Variants in RBFOX1 observed in about 807,000 individuals in gnomAD.
RBFOX1 encodes RNA binding fox-1 homolog 1.
In RBFOX1, 8 loss-of-function variants were observed where a neutral mutation model predicts 57.7. The observed-to-expected ratio is 0.14, with a 90% CI of 0.08 to 0.25. The LOEUF is 0.25. Among genes scored for constraint, RBFOX1 ranks in the 10% least tolerant of loss-of-function variants. The pLI, the probability that RBFOX1 is intolerant of heterozygous loss-of-function variation, is 1.00. For missense variants in RBFOX1, 611 were observed against 548.5 expected, an observed-to-expected ratio of 1.11 and a Z score of -1.14; for synonymous variants, 326 against 222.4, an observed-to-expected ratio of 1.47 and a Z score of -4.15.
intron 2 of RBFOX1, among the ~76,000 whole-genome samples, chr16:6,516,246 C>G (rs1019998877): frequency 6.6e-5 from 10 of 152,164 alleles, no homozygotes; most frequent in Admixed American, 3.3e-4. Context: ...CCAGGCTAGT[C>G]TCGAACTCCT....
Position 7,670,656 on chromosome 16 carries a change from T to C in RBFOX1, c.930+5688T>C, listed in dbSNP as rs180901038. Among the ~76,000 whole-genome samples, 170 of 152,260 alleles carry C rather than the reference T, an allele frequency of 1.1e-3. 1 individual carries two copies. The highest frequency in any genetic ancestry group is 3.9e-3 in the African/African-American group (163 of 41,558). On this transcript the variant is annotated intron_variant, in intron 13 of 15. Transcript: ENST00000550418. ...GTTATCAGGCATCGCTCCGTAAGCT[T>C]AGACTTTTAACATAAGGAAGCAAAT...
At chr16:6,655,172 G>C (rs1001380090) in intron 3 of RBFOX1, among the ~76,000 whole-genome samples, 1 of 151,502 alleles carries the variant, frequency 6.6e-6, no homozygotes, top group African/African-American at 2.4e-5. Context: ...TCAGGAGTTA[G>C]AGACCAACCT....
At chr16:7,457,412 G>A (rs2058738544) in intron 4 of RBFOX1, among the ~76,000 whole-genome samples, 1 of 152,072 alleles carries the variant, frequency 6.6e-6, no homozygotes, top group Admixed American at 6.5e-5. Context: ...TATTTTTATG[G>A]CATTAGTGTT....
intron 1 of RBFOX1, among the ~76,000 whole-genome samples, chr16:6,099,125 G>A (rs1044929008): frequency 4.6e-5 from 7 of 152,158 alleles, no homozygotes; most frequent in South Asian, 4.1e-4. Context: ...AAAATAGGTC[G>A]AACCCGATTT....
At chr16:6,978,832 C>T (rs915999884) in intron 3 of RBFOX1, among the ~76,000 whole-genome samples, 3 of 152,280 alleles carry the variant, frequency 2.0e-5, no homozygotes, top group Admixed American at 2.0e-4. Flanking sequence ...TAACAAATGC[C>T]TTCAATCCCC....
At chr16:6,395,532 CTTTTAT>C (rs2092792034) in intron 2 of RBFOX1, among the ~76,000 whole-genome samples, 1 of 150,752 alleles carries the variant, frequency 6.6e-6, no homozygotes, top group South Asian at 2.1e-4. Flanking sequence ...TTTTTTTTTA[CTTTTAT>C]AATTAGCTCT....
chr16:5,970,363 T>C (rs2059938207), intron 4 of RBFOX1, among the ~76,000 whole-genome samples: 1 of 152,140 alleles, frequency 6.6e-6, no homozygotes, highest in Non-Finnish European at 1.5e-5. Flanking sequence ...CACGTGTTTC[T>C]GGTGGGGATT....
intron 3 of RBFOX1, among the ~76,000 whole-genome samples, chr16:6,741,276 T>G (rs1284865500): frequency 1.3e-5 from 2 of 152,108 alleles, no homozygotes; most frequent in South Asian, 2.1e-4. Context: ...TATAAAACTT[T>G]CAGGCAATCC....
At chr16:7,381,063 G>C (rs1440961104) in intron 4 of RBFOX1, among the ~76,000 whole-genome samples, 3 of 152,218 alleles carry the variant, frequency 2.0e-5, no homozygotes, top group Non-Finnish European at 4.4e-5. Flanking sequence ...TTAGGTCATA[G>C]TTTGTGAATA....
At chr16:5,438,239 C>T (rs77803246) in intron 1 of RBFOX1, among the ~76,000 whole-genome samples, 2 of 152,168 alleles carry the variant, frequency 1.3e-5, no homozygotes, top group Admixed American at 1.3e-4. Flanking sequence ...TGTGATCACC[C>T]TCACTCCCAT....
chr16:6,671,437 C>T (rs781326752), intron 3 of RBFOX1, among the ~76,000 whole-genome samples: 18 of 152,266 alleles, frequency 1.2e-4, no homozygotes, highest in Admixed American at 3.3e-4. Flanking sequence ...ATTCAAACAT[C>T]ATTTTATTAA....
chr16:6,177,594 G>A (rs986645369), intron 1 of RBFOX1, among the ~76,000 whole-genome samples: 1 of 152,034 alleles, frequency 6.6e-6, no homozygotes, highest in African/African-American at 2.4e-5. Flanking sequence ...TATGAAAAAC[G>A]GAAAACAAGA....
At chr16:7,379,623 G>A (rs189180959) in intron 4 of RBFOX1, among the ~76,000 whole-genome samples, 6 of 152,274 alleles carry the variant, frequency 3.9e-5, no homozygotes, top group Admixed American at 1.3e-4. Context: ...CTGTTGTAGA[G>A]GTGAGGCAGA....
chr16:7,233,689 G>A (rs879675139), intron 4 of RBFOX1, among the ~76,000 whole-genome samples: 1 of 152,148 alleles, frequency 6.6e-6, no homozygotes, highest in South Asian at 2.1e-4. Context: ...AAAAGATGGG[G>A]GCCCCATGAA....
chr16:5,720,993 T>G (rs985567094), intron 3 of RBFOX1, among the ~76,000 whole-genome samples: 4 of 152,192 alleles, frequency 2.6e-5, no homozygotes, highest in Admixed American at 2.0e-4. Flanking sequence ...TGGTAGGGAT[T>G]GTGTTAAATC....
chr16:5,596,196 G>A (rs959311364), intron 2 of RBFOX1, among the ~76,000 whole-genome samples: 2 of 152,138 alleles, frequency 1.3e-5, no homozygotes, highest in Non-Finnish European at 2.9e-5. Flanking sequence ...ATTTCATCTG[G>A]TAGCTAGGTT....
At chr16:5,627,922 A>G (rs968690511) in intron 3 of RBFOX1, among the ~76,000 whole-genome samples, 5 of 152,210 alleles carry the variant, frequency 3.3e-5, no homozygotes, top group African/African-American at 1.2e-4. Flanking sequence ...ATGGATATGG[A>G]GAAATGATTG....
In RBFOX1 at chr16:6,247,529, A is replaced by G. The variant is rs979108316; in HGVS notation, c.-126-69466A>G. ...ATTAAGATAGTGGTAGTAACAGCCA[A>G]TATGCATGTTGAATGCTTAGTCTGT... On this transcript the variant is annotated intron_variant, in intron 1 of 15. Coordinates refer to ENST00000550418, the MANE Select transcript of RBFOX1 (RefSeq NM_018723.4). 7.2e-5 allele frequency among the ~76,000 whole-genome samples: 11 copies of G among 152,342 alleles called. No homozygotes were observed. The East Asian group carries it at 7.7e-4, about 11-fold the overall frequency.
At chr16:6,330,085 G>A (rs2082831262) in intron 2 of RBFOX1, among the ~76,000 whole-genome samples, 1 of 152,094 alleles carries the variant, frequency 6.6e-6, no homozygotes, top group South Asian at 2.1e-4. Context: ...TGAAGAACAT[G>A]AGCACACTGT....
Sources: gnomAD v4.1 joint callset for allele counts (sites outside exome capture counted in the v4.1 genomes callset) on GRCh38, gnomAD v4.1.1 for gene constraint, MANE v1.5 for transcripts, NCBI Gene and HGNC (gene_info 2026-07-23, HGNC 2026-07-21) for gene names.